The following GPC2 variants were observed in gnomAD, a reference collection of about 807,000 sequenced individuals.
GPC2 encodes the protein glypican-2.
In GPC2, 42 loss-of-function variants were observed where a neutral mutation model predicts 57.3. The ratio of observed to expected loss-of-function variants is 0.73; its 90% confidence interval spans 0.57 to 0.95. The LOEUF (loss-of-function observed/expected upper bound fraction) is 0.95. Among genes scored for constraint, GPC2 ranks in the 40% least tolerant of loss-of-function variants. The probability of loss-of-function intolerance (pLI) is 0.00; values close to 1 mark genes in which losing one functional copy is unlikely to be tolerated. For missense variants in GPC2, 745 were observed against 793.6 expected (o/e 0.94, Z 0.74); for synonymous variants, 364 against 343.4 (o/e 1.06, Z -0.66).
chr7:100,173,596 T>G, intron 5 of GPC2: 7 of 254,172 alleles, frequency 2.8e-5, no homozygotes, highest in Non-Finnish European at 3.0e-5. Flanking sequence ...TTTCTTTTCT[T>G]TCTTTCTTTC....
chr7:100,176,445 A>G, intron 1 of GPC2, 80 bp from the exon 2 acceptor site: 1 of 1,342,318 alleles, frequency 7.4e-7, no homozygotes, highest in Non-Finnish European at 1.0e-6. Flanking sequence ...TCTGGGGACT[A>G]TGCCTTCTCT....
Position 100,174,721 on chromosome 7 carries a change from C to T in GPC2, c.693G>A (p.Leu231=), listed in dbSNP as rs1395393248. The T allele has an allele frequency of 6.2e-7, 1 of 1,614,154 alleles. No homozygotes were observed. Among genetic ancestry groups the T allele is most frequent in the Admixed American group, 1.7e-5 (1 of 60,016 alleles). The change falls in exon 4 of 10, where the codon CTG becomes CTA. Residue 231 remains leucine (L), a synonymous_variant. Coordinates refer to ENST00000292377, the MANE Select transcript of GPC2 (RefSeq NM_152742.3). ...CGCTGACCACATTTCTTCCAGTCTC[C>T]AGGCCCTGCACAAAGGCTCGGGCAG... ...LVAARAFVQG[L]ETGRNVVSEA...
chr7:100,171,730 T>TCCCCGGCCCCGGGCCC lies in GPC2; in HGVS notation c.1170+33_1170+48dup. 1 of 1,423,672 alleles carries TCCCCGGCCCCGGGCCC rather than the reference T, an allele frequency of 7.0e-7. No homozygotes were observed. The highest frequency in any genetic ancestry group is 9.4e-7 in the Non-Finnish European group (1 of 1,066,676). 88.2% of individuals were successfully genotyped at this position (1,423,672 alleles called of 1,614,324 possible). A position where few individuals can be genotyped will look rare whatever the true frequency, so the allele number is the denominator to read the frequency against. On this transcript the variant is annotated intron_variant, in intron 7 of 9. Coordinates refer to ENST00000292377, the MANE Select transcript of GPC2 (RefSeq NM_152742.3). This position sits in a 1 kb window ranked among gnomAD's most constrained non-coding sequence, Gnocchi z 4.8. ...AGCTGGAGCGCGACCCCCACAACCA[T>TCCCCGGCCCCGGGCCC]CCCCGGCCCCGGGCCCCCCCGCCCC...
At chr7:100,172,043 C>G (rs1160141987) in intron 6 of GPC2, 44 bp downstream of exon 6, 1 of 1,606,478 alleles carries the variant, frequency 6.2e-7, no homozygotes. Context: ...ACACCCACAC[C>G]GTCCCCGCCC....
At chr7:100,174,654 G>A in intron 4 of GPC2, 31 bp downstream of exon 4, 1 of 1,517,020 alleles carries the variant, frequency 6.6e-7, no homozygotes, top group Non-Finnish European at 9.2e-7. Flanking sequence ...CTCCCTCCCT[G>A]GGCCCTGCCC....
At chr7:100,175,452 C>T in intron 3 of GPC2, 120 bp downstream of exon 3, 1 of 760,904 alleles carries the variant, frequency 1.3e-6, no homozygotes, top group Non-Finnish European at 2.1e-6. Context: ...GGCTTCAATG[C>T]AGGATGGGGG....
intron 1 of GPC2, among the ~76,000 whole-genome samples, 155 bp from the exon 2 acceptor site, chr7:100,176,520 T>C (rs1799287189): frequency 6.6e-6 from 1 of 152,140 alleles, no homozygotes; most frequent in Admixed American, 6.6e-5. Context: ...ATCCCCTACC[T>C]TATTGTCTCC....
intron 5 of GPC2, 135 bp downstream of exon 5, chr7:100,173,700 G>T: frequency 8.8e-6 from 4 of 454,230 alleles, no homozygotes; most frequent in East Asian, 6.9e-5. Context: ...TTCTTGAGAT[G>T]ACGTCTAGCT....
At position 100,171,633 on chromosome 7, in the gene GPC2, C is replaced by T. The variant is rs1432298481; in HGVS notation, c.1216G>A (p.Ala406Thr). ...CCGCACACCGTCAGGGACAGCCGGG[C>T]CCAGAAGCCCCGCATCCGGGCCAGA... ...ERLARMRGFW[A>T]RLSLTVCGDS... The change falls in exon 8 of 10, where the codon GCC (alanine) becomes ACC (threonine). Residue 406 changes from alanine to threonine, a missense_variant. Around this residue, in one of 2 missense-constraint regions of GPC2, gnomAD observed 607 missense variants for 603.9 expected, o/e 1.01. Transcript: ENST00000292377. The surrounding 1 kb of genome is among the most constrained non-coding windows in gnomAD (Gnocchi z 4.8). 5 of 1,530,208 alleles carry T rather than the reference C, an allele frequency of 3.3e-6. No individual in the cohort carries two copies. In the South Asian group the frequency reaches 4.8e-5, roughly 15 times the overall value. The allele number at this position is 1,530,208 out of a possible 1,614,324, so 94.8% of individuals were successfully genotyped here. A position where few individuals can be genotyped will look rare whatever the true frequency, so the allele number is the denominator to read the frequency against.
At position 100,171,995 on chromosome 7, in the gene GPC2, CCA is replaced by C. The variant is rs1272723459; in HGVS notation, c.1024-72_1024-71del. 5.1e-6 allele frequency: 8 copies of C among 1,565,584 alleles called. No individual in the cohort carries two copies. Among genetic ancestry groups the C allele is most frequent in the South Asian group, 1.2e-5 (1 of 85,066 alleles). Reference sequence around the variant, plus strand: ...ACCACACTGCGTCCCCACTCTGACCCCAGAGTCTCTTCCCAGATCCCCTATAC... The same window carrying C: ...ACCACACTGCGTCCCCACTCTGACCCGAGTCTCTTCCCAGATCCCCTATAC... On this transcript the variant is annotated intron_variant, in intron 6 of 9. Coordinates refer to ENST00000292377, the MANE Select transcript of GPC2 (RefSeq NM_152742.3). The surrounding 1 kb of genome is among the most constrained non-coding windows in gnomAD (Gnocchi z 4.8).
Position 100,173,918 on chromosome 7 carries a change from A to G in GPC2, c.809T>C (p.Met270Thr), listed in dbSNP as rs199810091. 1.4e-4 allele frequency: 222 copies of G among 1,606,840 alleles called. 1 individual carries two copies. In the Middle Eastern group the frequency reaches 2.3e-3, roughly 17 times the overall value. The change falls in exon 5 of 10, where the codon ATG (methionine) becomes ACG (threonine). Residue 270 changes from methionine to threonine, a missense_variant. This residue lies in a region of GPC2 where 607 missense variants were observed against 603.9 expected (regional missense o/e 1.01). Transcript: ENST00000292377. ...GTTGAGGCAGAAGCCCTGGCAGGGC[A>G]TAAGTGAGGGGACCCCCCGGCACAG... The part of the protein sequence containing the change: ...CPLCRGVPSL[M>T]PCQGFCLNVV...
At chr7:100,174,026 CCA>C in intron 4 of GPC2, 29 bp from the exon 5 acceptor site, 1 of 1,500,774 alleles carries the variant, frequency 6.7e-7, no homozygotes, top group Non-Finnish European at 8.9e-7. Flanking sequence ...GCTGTGTCCT[CCA>C]CAAACGCTGT....
rs927606220 is a variant in GPC2 at position 100,176,198 on chromosome 7, G to C, written c.325+9C>G. On this transcript the variant is annotated intron_variant, in intron 2 of 9. Transcript: ENST00000292377. ...TGTGAAGCTGAGTTTGGGGACCCCA[G>C]GTCCTCACCATCAAATTTTCTGTGC... 6.3e-7 allele frequency: 1 copy of C among 1,596,336 alleles called. No homozygotes were observed. The highest frequency in any genetic ancestry group is 2.3e-5 in the East Asian group (1 of 44,332).
chr7:100,171,831 A>G lies in GPC2; in HGVS notation c.1118T>C (p.Val373Ala), dbSNP rs1799184541. 1.3e-6 allele frequency: 2 copies of G among 1,568,634 alleles called. No individual in the cohort carries two copies. Among genetic ancestry groups the G allele is most frequent in the Non-Finnish European group, 1.7e-6 (2 of 1,165,718 alleles). The change falls in exon 7 of 10, where the codon GTG becomes GCG. Residue 373 changes from valine (V) to alanine (A), a missense_variant. By Grantham distance (64) the Val-to-Ala change is moderately conservative. This residue lies in a region of GPC2 where 607 missense variants were observed against 603.9 expected (regional missense o/e 1.01). Coordinates refer to ENST00000292377, the MANE Select transcript of GPC2 (RefSeq NM_152742.3). The surrounding 1 kb of genome is among the most constrained non-coding windows in gnomAD (Gnocchi z 4.8). ...REEAGRLWSM[V>A]TEEERPTTAA... The stretch of plus-strand genomic sequence containing the variant: ...CGTCGTGGGCCGCTCCTCCTCGGTC[A>G]CCATCGACCACAGCCGGCCCGCCTC...
At position 100,170,243 on chromosome 7, in the gene GPC2, A is replaced by G; in HGVS notation, c.1727T>C (p.Leu576Pro). ...LILSLSALAL[L>P]GPR ...ACCCCTCCCCCGTTATCGAGGTCCA[A>G]GCAGGGCCAGGGCTGAGAGGGAGAG... The change falls in exon 10 of 10, where the codon CTT becomes CCT. Residue 576 changes from leucine to proline, a missense_variant. Leu to Pro is a moderately conservative substitution (Grantham distance 98, BLOSUM62 -3). Around this residue, in one of 2 missense-constraint regions of GPC2, gnomAD observed 607 missense variants for 603.9 expected, o/e 1.01. Coordinates refer to ENST00000292377, the MANE Select transcript of GPC2 (RefSeq NM_152742.3). 1 of 1,559,124 alleles carries G rather than the reference A, an allele frequency of 6.4e-7. No homozygotes were observed. Among genetic ancestry groups the G allele is most frequent in the Non-Finnish European group, 8.7e-7 (1 of 1,150,870 alleles).
In GPC2 at chr7:100,173,838, G is replaced by C; in HGVS notation, c.889C>G (p.Leu297Val). Residue 297 changes from leucine to valine, a missense_variant, in exon 5 of 10, where the codon CTG becomes GTG. By Grantham distance (32) the Leu-to-Val change is conservative (BLOSUM62 1). This residue lies in a region of GPC2 where 607 missense variants were observed against 603.9 expected (regional missense o/e 1.01). Transcript: ENST00000292377. ...RGLEPDWGNYLDGLLILADKL... is the reference protein window; with the variant it reads ...RGLEPDWGNYVDGLLILADKL... Reference sequence around the variant, plus strand: ...AGGCTTTCTTGAATCCCCTCACCCAGATAGTTGCCCCAGTCAGGCTCCAGT... The same window carrying C: ...AGGCTTTCTTGAATCCCCTCACCCACATAGTTGCCCCAGTCAGGCTCCAGT... The C allele has an allele frequency of 6.4e-7, 1 of 1,561,144 alleles. No individual in the cohort carries two copies. Among genetic ancestry groups the C allele is most frequent in the Non-Finnish European group, 8.7e-7 (1 of 1,153,990 alleles).
Position 100,173,879 on chromosome 7 carries a change from C to A in GPC2, c.848G>T (p.Cys283Phe). 1 of 1,599,548 alleles carries A rather than the reference C, an allele frequency of 6.3e-7. No homozygotes were observed. The highest frequency in any genetic ancestry group is 8.5e-7 in the Non-Finnish European group (1 of 1,173,350). The change falls in exon 5 of 10, where the codon TGT becomes TTT. Residue 283 changes from cysteine to phenylalanine, a missense_variant. Physicochemically the swap from Cys to Phe is radical, Grantham distance 205 (BLOSUM62 -2). Coordinates refer to ENST00000292377, the MANE Select transcript of GPC2 (RefSeq NM_152742.3). ...AGGCTCCAGTCCCCTGCTGCTGAGA[C>A]AGCCACGAACCACGTTGAGGCAGAA... ...QGFCLNVVRG[C>F]LSSRGLEPDW... is the part of the protein sequence containing the mutation.
chr7:100,174,362 A>T (rs1331098904), intron 4 of GPC2: 18 of 526,558 alleles, frequency 3.4e-5, no homozygotes, highest in Non-Finnish European at 5.5e-5. Context: ...AGCAGCAGGG[A>T]AGTGGAGTCA....
chr7:100,171,890 A>T lies in GPC2; in HGVS notation c.1059T>A (p.Pro353=). ...FQECGPPDPV[P]ARNRRAPPPR... ...GCGGCGGGGCTCGACGGTTGCGGGCAGGCACCGGGTCGGGGGGGCCGCACT... is the reference window on the plus strand; with the variant it reads ...GCGGCGGGGCTCGACGGTTGCGGGCTGGCACCGGGTCGGGGGGGCCGCACT... The change falls in exon 7 of 10, where the codon CCT becomes CCA. Residue 353 remains proline (P), a synonymous_variant. Transcript: ENST00000292377. The surrounding 1 kb of genome is among the most constrained non-coding windows in gnomAD (Gnocchi z 4.8). The T allele has an allele frequency of 6.6e-7, 1 of 1,509,972 alleles. No individual in the cohort carries two copies. The highest frequency in any genetic ancestry group is 8.8e-7 in the Non-Finnish European group (1 of 1,135,090). The allele number at this position is 1,509,972 out of a possible 1,614,324, so 93.5% of individuals were successfully genotyped here. A position where few individuals can be genotyped will look rare whatever the true frequency, so the allele number is the denominator to read the frequency against.
Sources: gnomAD v4.1 joint callset for allele counts (sites outside exome capture counted in the v4.1 genomes callset) on GRCh38, gnomAD v4.1.1 for gene constraint, gnomAD v4.1.1 regional missense constraint, Gnocchi (gnomAD v3.1) non-coding constraint, MANE v1.5 for transcripts, NCBI Gene and HGNC (gene_info 2026-07-23, HGNC 2026-07-21) for gene names.